GNG12: variants seen among roughly 807,000 people sequenced by gnomAD.
GNG12 encodes the protein G protein subunit gamma 12, also known as guanine nucleotide-binding protein G(I)/G(S)/G(O) subunit gamma-12.
For synonymous variants in GNG12, 28 were observed against 29.7 expected (o/e 0.94, Z 0.19); for missense variants, 69 against 83.8 (o/e 0.82, Z 0.69).
At chr1:67,753,742 G>C (rs1451677435) in intron 2 of GNG12, among the ~76,000 whole-genome samples, 1 of 152,184 alleles carries the variant, frequency 6.6e-6, no homozygotes, top group Non-Finnish European at 1.5e-5. Context: ...GGTGAATAAA[G>C]ATCTTTGAAG....
chr1:67,774,640 CT>C (rs1235835893), intron 2 of GNG12, among the ~76,000 whole-genome samples: 2 of 152,164 alleles, frequency 1.3e-5, no homozygotes, highest in Non-Finnish European at 2.9e-5. Context: ...GCCATTCCCC[CT>C]GGGCCATTTC....
At chr1:67,751,133 G>A (rs1385334602) in intron 2 of GNG12, among the ~76,000 whole-genome samples, 3 of 130,052 alleles carry the variant, frequency 2.3e-5, no homozygotes, top group Non-Finnish European at 3.2e-5. Flanking sequence ...ACCCACCCAC[G>A]CATCCACTCA....
chr1:67,756,090 T>C (rs1168284185), intron 2 of GNG12, among the ~76,000 whole-genome samples: 1 of 152,006 alleles, frequency 6.6e-6, no homozygotes, highest in Admixed American at 6.6e-5. Flanking sequence ...TCAAGGGGCT[T>C]AGAGTGTGGG....
intron 2 of GNG12, among the ~76,000 whole-genome samples, chr1:67,760,909 A>G (rs757690808): frequency 7.2e-5 from 11 of 152,120 alleles, no homozygotes; most frequent in Middle Eastern, 6.3e-3. Flanking sequence ...ATGTACACCA[A>G]CTCGCTTCAT....
At chr1:67,736,613 C>T (rs1277721329) in intron 2 of GNG12, among the ~76,000 whole-genome samples, 2 of 152,132 alleles carry the variant, frequency 1.3e-5, no homozygotes, top group Admixed American at 6.5e-5. Flanking sequence ...CTCAGCCTCA[C>T]GATGCCAACC....
chr1:67,750,958 TA>T lies in GNG12; in HGVS notation c.-27+26499del, dbSNP rs1646535155. ...AATTACTCATCATATACTTTAAAAA[TA>T]ACACTAACAGGTAAGGAGTTATTTT... On this transcript the variant is annotated intron_variant, in intron 2 of 3. Coordinates refer to ENST00000370982, the MANE Select transcript of GNG12 (RefSeq NM_018841.6). 6.6e-5 allele frequency among the ~76,000 whole-genome samples: 10 copies of T among 152,330 alleles called. No individual in the cohort carries two copies. In the South Asian group the frequency reaches 1.9e-3, roughly 28 times the overall value.
chr1:67,772,942 G>A (rs945928564), intron 2 of GNG12, among the ~76,000 whole-genome samples: 1 of 152,226 alleles, frequency 6.6e-6, no homozygotes, highest in Non-Finnish European at 1.5e-5. Flanking sequence ...GCATGTCTGA[G>A]AATGAAGCTG....
chr1:67,794,415 T>G (rs10493426), intron 1 of GNG12, among the ~76,000 whole-genome samples: 3,157 of 152,286 alleles, frequency 0.021, 32 homozygotes, highest in African/African-American at 0.033. Flanking sequence ...CCATGCCTCC[T>G]TGATTCCCAA....
rs1557592205 is a variant in GNG12, at chr1:67,710,092, ATATATATAGT to A, written c.-26-2390_-26-2381del. 2.2e-3 allele frequency among the ~76,000 whole-genome samples: 76 copies of A among 35,100 alleles called. 3 individuals carry two copies. The highest frequency in any genetic ancestry group is 9.6e-3 in the Middle Eastern group (1 of 104). 23.0% of individuals were successfully genotyped at this position (35,100 alleles called of 152,430 possible). A position where few individuals can be genotyped will look rare whatever the true frequency, so the allele number is the denominator to read the frequency against. On this transcript the variant is annotated intron_variant, in intron 2 of 3. Coordinates refer to ENST00000370982, the MANE Select transcript of GNG12 (RefSeq NM_018841.6). Reference sequence around the variant, plus strand: ...TATATATAGTTATATATATATAGTTATATATATAGTTATATATATAGTTATATATATAGTT... The same window carrying A: ...TATATATAGTTATATATATATAGTTATATATATATAGTTATATATATAGTT...
In GNG12 at chr1:67,705,160, A is replaced by T. The variant is rs962056812; in HGVS notation, c.*291T>A. 1 of 222,290 alleles carries T rather than the reference A, an allele frequency of 4.5e-6. No individual in the cohort carries two copies. Among genetic ancestry groups the T allele is most frequent in the South Asian group, 9.8e-5 (1 of 10,176 alleles). The allele number at this position is 222,290 out of a possible 1,614,324, so 13.8% of individuals were successfully genotyped here. A position where few individuals can be genotyped will look rare whatever the true frequency, so the allele number is the denominator to read the frequency against. ...TCGGAATCCCTTGTATTTCTAAAGT[A>T]TATAATTATGTTTTTAAAAAGGCCC... On this transcript the variant is annotated 3_prime_UTR_variant, in exon 4 of 4. Transcript: ENST00000370982.
At chr1:67,808,843 A>G (rs1267946121) in intron 1 of GNG12, among the ~76,000 whole-genome samples, 1 of 152,200 alleles carries the variant, frequency 6.6e-6, no homozygotes, top group Non-Finnish European at 1.5e-5. Flanking sequence ...GGAAAACACA[A>G]TATTGTCAAG....
intron 2 of GNG12, among the ~76,000 whole-genome samples, chr1:67,751,867 G>A (rs913206550): frequency 4.6e-5 from 7 of 152,272 alleles, no homozygotes; most frequent in African/African-American, 1.7e-4. Flanking sequence ...AATGAGGTGA[G>A]CCTCTCCCCA....
At chr1:67,742,325 T>C (rs1335321858) in intron 2 of GNG12, among the ~76,000 whole-genome samples, 1 of 152,180 alleles carries the variant, frequency 6.6e-6, no homozygotes, top group Non-Finnish European at 1.5e-5. Flanking sequence ...TAATCTTTAA[T>C]AATTTAATAA....
chr1:67,818,968 G>A (rs1407956958), intron 1 of GNG12, among the ~76,000 whole-genome samples: 1 of 152,050 alleles, frequency 6.6e-6, no homozygotes, highest in Non-Finnish European at 1.5e-5. Flanking sequence ...CGATGCCTTT[G>A]GGGAACTCAT....
chr1:67,816,419 T>C (rs1176448433), intron 1 of GNG12, among the ~76,000 whole-genome samples: 1 of 152,206 alleles, frequency 6.6e-6, no homozygotes, highest in Admixed American at 6.5e-5. Flanking sequence ...TCTTTGGATA[T>C]GCGTGCAAGG....
At chr1:67,735,507 C>G (rs185614188) in intron 2 of GNG12, among the ~76,000 whole-genome samples, 84 of 152,270 alleles carry the variant, frequency 5.5e-4, no homozygotes, top group African/African-American at 1.9e-3. Context: ...AGCCTGCGTC[C>G]TCATCTGCAA....
intron 2 of GNG12, among the ~76,000 whole-genome samples, chr1:67,734,077 C>A (rs1167607529): frequency 6.6e-6 from 1 of 152,090 alleles, no homozygotes; most frequent in African/African-American, 2.4e-5. Flanking sequence ...GTTCTTTTTG[C>A]AGATTCTGCC....
intron 2 of GNG12, among the ~76,000 whole-genome samples, chr1:67,731,595 T>C (rs1271208392): frequency 6.6e-6 from 1 of 152,168 alleles, no homozygotes; most frequent in African/African-American, 2.4e-5. Context: ...GGGCAGGCAG[T>C]TTGGTTCACC....
intron 2 of GNG12, among the ~76,000 whole-genome samples, chr1:67,768,434 A>T (rs1646654037): frequency 6.6e-6 from 1 of 152,160 alleles, no homozygotes; most frequent in African/African-American, 2.4e-5. Context: ...CATTGCACAT[A>T]TTTAGATTTT....
Sources: gnomAD v4.1 joint callset for allele counts (sites outside exome capture counted in the v4.1 genomes callset) on GRCh38, gnomAD v4.1.1 for gene constraint, MANE v1.5 for transcripts, NCBI Gene and HGNC (gene_info 2026-07-23, HGNC 2026-07-21) for gene names.